Variants in TEAD4 observed in about 807,000 individuals in gnomAD.
The protein encoded by TEAD4 is transcriptional enhancer factor TEF-3.
A neutral mutation model predicts 52.4 loss-of-function variants in TEAD4; 36 were observed. That is an observed-to-expected ratio of 0.69 (90% CI 0.53 to 0.91). The LOEUF (loss-of-function observed/expected upper bound fraction) is 0.91, where lower values mean the gene tolerates loss of function less well. Ranked by LOEUF, TEAD4 falls within the 40% of genes least tolerant of loss-of-function variation. The probability of loss-of-function intolerance (pLI) is 0.00; values close to 1 mark genes in which losing one functional copy is unlikely to be tolerated. For synonymous variants in TEAD4, 220 were observed against 231.0 expected (o/e 0.95, Z 0.43); for missense variants, 508 against 583.9 (o/e 0.87, Z 1.34).
At chr12:3,012,066 C>A in intron 4 of TEAD4, 104 bp from the exon 5 acceptor site, 2 of 1,150,278 alleles carry the variant, frequency 1.7e-6, no homozygotes. Flanking sequence ...TCATTTGGTC[C>A]ACAGATGTGG....
At chr12:3,028,831 A>G (rs1376160298) in intron 10 of TEAD4, among the ~76,000 whole-genome samples, 2 of 152,118 alleles carry the variant, frequency 1.3e-5, no homozygotes, top group African/African-American at 2.4e-5. Flanking sequence ...GGGTTTTACC[A>G]TGTTGTCCAG....
chr12:3,021,861 C>T lies in TEAD4; in HGVS notation c.741C>T (p.Phe247=). The T allele has an allele frequency of 1.9e-6, 3 of 1,614,136 alleles. No homozygotes were observed. The highest frequency in any genetic ancestry group is 2.5e-6 in the Non-Finnish European group (3 of 1,179,992). The change falls in exon 10 of 13, where the codon TTC becomes TTT. Residue 247 remains phenylalanine (F), a synonymous_variant. Coordinates refer to ENST00000359864, the MANE Select transcript of TEAD4 (RefSeq NM_003213.4). ...CTCCACAGTACAACAAGCACCTGTT[C>T]GTGCACATTGGCCAGTCCAGCCCAA... is the stretch of plus-strand genomic sequence containing the variant.
chr12:2,996,177 A>T (rs2098246956), intron 3 of TEAD4, among the ~76,000 whole-genome samples: 1 of 152,090 alleles, frequency 6.6e-6, no homozygotes, highest in Non-Finnish European at 1.5e-5. Flanking sequence ...AGTCAGTGAC[A>T]ACGGGGCCCC....
At chr12:3,028,761 G>C (rs1237027964) in intron 10 of TEAD4, among the ~76,000 whole-genome samples, 1 of 151,894 alleles carries the variant, frequency 6.6e-6, no homozygotes, top group Non-Finnish European at 1.5e-5. Context: ...CTTCTGAGTA[G>C]CTGGAATTAC....
chr12:2,973,749 C>T (rs528201935), intron 2 of TEAD4, among the ~76,000 whole-genome samples: 15 of 152,312 alleles, frequency 9.8e-5, no homozygotes, highest in African/African-American at 2.2e-4. Flanking sequence ...TGGGTCAGGC[C>T]GGGCTGGCCC....
chr12:2,991,958 G>A (rs1016100500), intron 2 of TEAD4, among the ~76,000 whole-genome samples: 2 of 150,212 alleles, frequency 1.3e-5, no homozygotes, highest in African/African-American at 4.9e-5. Context: ...GCCCTTTTCA[G>A]CAAGCTGAAG....
intron 2 of TEAD4, among the ~76,000 whole-genome samples, chr12:2,962,699 A>T (rs2098216798): frequency 1.3e-5 from 2 of 151,982 alleles, no homozygotes; most frequent in South Asian, 4.2e-4. Flanking sequence ...TGAACTCCTG[A>T]CCTCAGGTGA....
At chr12:3,014,804 G>A (rs571910612) in intron 5 of TEAD4, among the ~76,000 whole-genome samples, 2 of 152,326 alleles carry the variant, frequency 1.3e-5, no homozygotes, top group South Asian at 2.1e-4. Flanking sequence ...CCCAGGCCGC[G>A]GTTTCCTGAG....
intron 2 of TEAD4, among the ~76,000 whole-genome samples, chr12:2,990,081 G>C (rs1224080880): frequency 6.6e-6 from 1 of 152,154 alleles, no homozygotes; most frequent in East Asian, 1.9e-4. Flanking sequence ...AATTTCCTCA[G>C]CTCTGTCTTC....
intron 10 of TEAD4, among the ~76,000 whole-genome samples, chr12:3,035,965 C>T (rs2098279174): frequency 2.0e-5 from 3 of 152,176 alleles, no homozygotes. Context: ...CCTCAGCCAC[C>T]TCTGCCATGC....
chr12:2,963,669 C>T (rs1356608725), intron 2 of TEAD4, among the ~76,000 whole-genome samples: 3 of 152,198 alleles, frequency 2.0e-5, no homozygotes, highest in Non-Finnish European at 4.4e-5. Flanking sequence ...TTTGGTTTTT[C>T]CCGCTACTAT....
At chr12:2,976,733 G>T (rs1197264780) in intron 2 of TEAD4, among the ~76,000 whole-genome samples, 1 of 110,046 alleles carries the variant, frequency 9.1e-6, no homozygotes, top group Non-Finnish European at 1.8e-5. Flanking sequence ...TCCAGGCTGA[G>T]AGCTGAGGAG....
intron 2 of TEAD4, chr12:2,960,324 T>C: frequency 1.0e-6 from 1 of 985,328 alleles, no homozygotes; most frequent in Non-Finnish European, 1.2e-6. Flanking sequence ...TGCTGGGCCC[T>C]TTTCGAGCCT....
intron 3 of TEAD4, among the ~76,000 whole-genome samples, chr12:3,005,657 C>T (rs1040772693): frequency 2.7e-5 from 4 of 150,774 alleles, no homozygotes; most frequent in Admixed American, 6.6e-5. Flanking sequence ...CCACCATGCC[C>T]GGCTATATTT....
chr12:2,986,697 G>A (rs1224154150), intron 2 of TEAD4, among the ~76,000 whole-genome samples: 3 of 151,470 alleles, frequency 2.0e-5, no homozygotes, highest in African/African-American at 7.3e-5. Context: ...ACGACAAAAA[G>A]TATAGTATAG....
At chr12:3,026,577 T>C (rs2098272257) in intron 10 of TEAD4, among the ~76,000 whole-genome samples, 1 of 152,214 alleles carries the variant, frequency 6.6e-6, no homozygotes, top group Admixed American at 6.5e-5. Flanking sequence ...AGGGGCCTGC[T>C]GGGAAGCCCC....
intron 5 of TEAD4, among the ~76,000 whole-genome samples, chr12:3,012,670 T>C (rs2098261307): frequency 6.6e-6 from 1 of 152,218 alleles, no homozygotes; most frequent in African/African-American, 2.4e-5. Context: ...TCCTGTCCTG[T>C]GGGACTGGGT....
chr12:3,012,611 TG>T (rs1372012339), intron 5 of TEAD4, among the ~76,000 whole-genome samples: 1 of 149,176 alleles, frequency 6.7e-6, no homozygotes, highest in Non-Finnish European at 1.5e-5. Flanking sequence ...GCTGTGGGGG[TG>T]GGGGTGGCGT....
At chr12:3,031,801 C>T (rs1335286747) in intron 10 of TEAD4, among the ~76,000 whole-genome samples, 1 of 152,224 alleles carries the variant, frequency 6.6e-6, no homozygotes, top group Non-Finnish European at 1.5e-5. Flanking sequence ...GTTCATAGTA[C>T]CAGACCCATA....
Sources: gnomAD v4.1 joint callset for allele counts (sites outside exome capture counted in the v4.1 genomes callset) on GRCh38, gnomAD v4.1.1 for gene constraint, MANE v1.5 for transcripts, NCBI Gene and HGNC (gene_info 2026-07-23, HGNC 2026-07-21) for gene names.